The following MPZL3 variants were observed in gnomAD, a reference collection of about 807,000 sequenced individuals.
The protein encoded by MPZL3 is myelin protein zero like 3.
A neutral mutation model predicts 24.8 loss-of-function variants in MPZL3; 23 were observed. The ratio of observed to expected loss-of-function variants is 0.93; its 90% CI spans 0.67 to 1.31. MPZL3 has a LOEUF of 1.31. Among genes scored for constraint, MPZL3 ranks in the 40% most tolerant of loss-of-function variants. The pLI is 0.00. For synonymous variants in MPZL3, 99 were observed against 106.5 expected (o/e 0.93, Z 0.44); for missense variants, 277 against 294.9 (o/e 0.94, Z 0.44).
intron 1 of MPZL3, among the ~76,000 whole-genome samples, chr11:118,241,127 A>G (rs1441787743): frequency 6.6e-6 from 1 of 152,340 alleles, no homozygotes; most frequent in African/African-American, 2.4e-5. Flanking sequence ...CTGACACTTC[A>G]TCTCTCTGAA....
chr11:118,230,970 T>C (rs1793168), intron 5 of MPZL3, among the ~76,000 whole-genome samples: 13,793 of 152,188 alleles, frequency 0.091, 2,087 homozygotes, highest in African/African-American at 0.31. Flanking sequence ...GTGTTCATTT[T>C]CTCCCATCTT....
chr11:118,246,194 G>A (rs1035988688), intron 1 of MPZL3, among the ~76,000 whole-genome samples: 5 of 152,106 alleles, frequency 3.3e-5, no homozygotes, highest in Non-Finnish European at 5.9e-5. Context: ...GCTCCAGCCT[G>A]AATATACAGT....
At chr11:118,230,011 G>T in intron 5 of MPZL3, 91 bp from the exon 6 acceptor site, 1 of 1,192,420 alleles carries the variant, frequency 8.4e-7, no homozygotes, top group Non-Finnish European at 1.2e-6. Context: ...AATGGAACCT[G>T]GCTTGGGGAG....
intron 1 of MPZL3, among the ~76,000 whole-genome samples, chr11:118,241,163 G>C (rs987969124): frequency 2.6e-5 from 4 of 152,078 alleles, no homozygotes; most frequent in Non-Finnish European, 4.4e-5. Context: ...GTTCTAACCA[G>C]TTCCTTCTGC....
Position 118,237,137 on chromosome 11 carries a change from C to A in MPZL3, c.364G>T (p.Asp122Tyr). 6.2e-7 allele frequency: 1 copy of A among 1,614,060 alleles called. No homozygotes were observed. Among genetic ancestry groups the A allele is most frequent in the Non-Finnish European group, 8.5e-7 (1 of 1,179,978 alleles). The change falls in exon 3 of 6, where the codon GAC becomes TAC. Residue 122 changes from aspartate (D) to tyrosine (Y), a missense_variant. Physicochemically the swap from Asp to Tyr is radical, Grantham distance 160. Transcript: ENST00000278949. The part of the protein sequence containing the change: ...SISISNPTIK[D>Y]NGTFSCAVKN... Reference sequence around the variant, plus strand: ...ACAGCACAGCTGAATGTCCCATTGTCCTTTATGGTAGGGTTGCTTATACTT... The same window carrying A: ...ACAGCACAGCTGAATGTCCCATTGTACTTTATGGTAGGGTTGCTTATACTT...
intron 2 of MPZL3, 135 bp downstream of exon 2, chr11:118,240,076 G>T (rs1174833089): frequency 3.4e-5 from 28 of 824,766 alleles, no homozygotes; most frequent in Non-Finnish European, 5.3e-6. Flanking sequence ...TAGGATAAAA[G>T]TTCATCTATC....
intron 5 of MPZL3, among the ~76,000 whole-genome samples, chr11:118,230,517 T>C (rs1033681989): frequency 6.7e-6 from 1 of 149,512 alleles, no homozygotes; most frequent in Non-Finnish European, 1.5e-5. Context: ...CCTGTTACCA[T>C]TATTATTATT....
At chr11:118,234,538 A>G (rs1033584805) in intron 4 of MPZL3, among the ~76,000 whole-genome samples, 1 of 152,194 alleles carries the variant, frequency 6.6e-6, no homozygotes, top group African/African-American at 2.4e-5. Context: ...GGGCACATAA[A>G]TAAGTTCATG....
intron 1 of MPZL3, among the ~76,000 whole-genome samples, chr11:118,244,529 A>G (rs767613155): frequency 6.6e-6 from 1 of 152,204 alleles, no homozygotes; most frequent in African/African-American, 2.4e-5. Flanking sequence ...TAGGCAGAAG[A>G]CACAGCACAT....
chr11:118,249,793 A>G (rs1331662897), intron 1 of MPZL3, among the ~76,000 whole-genome samples: 1 of 152,148 alleles, frequency 6.6e-6, no homozygotes, highest in Non-Finnish European at 1.5e-5. Context: ...GACCAGACTT[A>G]TAACTTAAGG....
At chr11:118,252,183 C>CCCGGCCGGAAGTGGAGCGTAG (rs1319237349) in intron 1 of MPZL3, 39 bp downstream of exon 1, 12 of 1,608,470 alleles carry the variant, frequency 7.5e-6, no homozygotes, top group East Asian at 4.5e-5. Context: ...TCCCTAACCC[C>CCCGGCCGGAAGTGGAGCGTAG]CCGGCCGGAA....
At chr11:118,242,166 C>T (rs1358368152) in intron 1 of MPZL3, among the ~76,000 whole-genome samples, 2 of 152,180 alleles carry the variant, frequency 1.3e-5, no homozygotes, top group African/African-American at 2.4e-5. Flanking sequence ...CAAAGCTGGA[C>T]TTGAGTTCTA....
intron 5 of MPZL3, among the ~76,000 whole-genome samples, chr11:118,231,217 C>G (rs1949346984): frequency 6.6e-6 from 1 of 152,186 alleles, no homozygotes; most frequent in African/African-American, 2.4e-5. Context: ...CAATTATCAG[C>G]TCTCATTTTA....
rs776592036 is a variant in MPZL3, at chr11:118,244,714, A to G, written c.74-4337T>C. Among the ~76,000 whole-genome samples, 60 of 152,242 alleles carry G rather than the reference A, an allele frequency of 3.9e-4. 1 individual carries two copies. Among genetic ancestry groups the G allele is most frequent in the Non-Finnish European group, 7.8e-4 (53 of 68,044 alleles). On this transcript the variant is annotated intron_variant, in intron 1 of 5. Transcript: ENST00000278949. ...TTTGGGTCCTCATCCTTAGTGTAAT[A>G]GGAAGCCATGGAAAGTACTTAACTG...
At position 118,242,129 on chromosome 11, in the gene MPZL3, G is replaced by T. The variant is rs190927114; in HGVS notation, c.74-1752C>A. On this transcript the variant is annotated intron_variant, in intron 1 of 5. Transcript: ENST00000278949. Reference sequence around the variant, plus strand: ...TCCTAAAACATAAGTATAATATTGAGATTTGAAATACAGATTTAGAATTAG... The same window carrying T: ...TCCTAAAACATAAGTATAATATTGATATTTGAAATACAGATTTAGAATTAG... Among the ~76,000 whole-genome samples the T allele has an allele frequency of 1.3e-3, 201 of 152,298 alleles. No individual in the cohort carries two copies. The Middle Eastern group carries it at 0.014, about 10-fold the overall frequency.
intron 4 of MPZL3, among the ~76,000 whole-genome samples, chr11:118,233,921 AG>A (rs1407129255): frequency 2.0e-5 from 3 of 152,174 alleles, no homozygotes; most frequent in Non-Finnish European, 4.4e-5. Context: ...TGAACTCAGA[AG>A]GCAGAGGTTG....
chr11:118,248,893 G>T (rs113354577), intron 1 of MPZL3, among the ~76,000 whole-genome samples: 94 of 152,222 alleles, frequency 6.2e-4, no homozygotes, highest in Non-Finnish European at 1.1e-3. Context: ...TTATAAGTGG[G>T]CTATTGAAAG....
chr11:118,234,272 A>G (rs1245200236), intron 4 of MPZL3, among the ~76,000 whole-genome samples: 5 of 152,202 alleles, frequency 3.3e-5, no homozygotes, highest in Admixed American at 3.3e-4. Context: ...AATATGTTAT[A>G]ATGCAGTGTG....
chr11:118,246,303 G>A (rs11216831), intron 1 of MPZL3, among the ~76,000 whole-genome samples: 6,828 of 152,214 alleles, frequency 0.045, 238 homozygotes, highest in Non-Finnish European at 0.068. Flanking sequence ...GCCATGATCT[G>A]CCTCTGAGTG....
Sources: gnomAD v4.1 joint callset for allele counts (sites outside exome capture counted in the v4.1 genomes callset) on GRCh38, gnomAD v4.1.1 for gene constraint, MANE v1.5 for transcripts, NCBI Gene and HGNC (gene_info 2026-07-23, HGNC 2026-07-21) for gene names.